CA8: variants seen among roughly 807,000 people sequenced by gnomAD.
The protein encoded by CA8 is carbonic anhydrase-related protein.
CA8 carries 22 observed loss-of-function variants against 41.4 expected under a neutral mutation model. The ratio of observed to expected loss-of-function variants is 0.53; its 90% CI spans 0.38 to 0.76. The LOEUF (loss-of-function observed/expected upper bound fraction) is 0.76, where lower values mean the gene tolerates loss of function less well. CA8 is among the 30% of genes least tolerant of loss of function. CA8 has a pLI of 0.00. For missense variants in CA8, 270 were observed against 352.8 expected, an observed-to-expected ratio of 0.77 and a Z score of 1.88; for synonymous variants, 121 against 130.6, an observed-to-expected ratio of 0.93 and a Z score of 0.50.
chr8:60,200,831 C>G (rs945938432), intron 8 of CA8, among the ~76,000 whole-genome samples: 1 of 152,182 alleles, frequency 6.6e-6, no homozygotes, highest in Non-Finnish European at 1.5e-5. Context: ...TACAAATCAA[C>G]CAGAGCTGGC....
At chr8:60,207,671 C>T (rs1243472050) in intron 8 of CA8, among the ~76,000 whole-genome samples, 1 of 152,222 alleles carries the variant, frequency 6.6e-6, no homozygotes, top group Admixed American at 6.5e-5. Context: ...ACATCAACTT[C>T]TCTCCACCTC....
intron 2 of CA8, 92 bp downstream of exon 2, chr8:60,279,597 T>C (rs1435665604): frequency 2.7e-6 from 3 of 1,106,980 alleles, no homozygotes; most frequent in Non-Finnish European, 4.1e-6. Context: ...ACGTCAGTTG[T>C]ACTTTTTAAA....
At chr8:60,270,198 G>A (rs971663447) in intron 2 of CA8, among the ~76,000 whole-genome samples, 10 of 152,128 alleles carry the variant, frequency 6.6e-5, no homozygotes, top group African/African-American at 2.2e-4. Context: ...AGTATTATTC[G>A]TGCAGTATCT....
intron 1 of CA8, among the ~76,000 whole-genome samples, chr8:60,280,617 C>T (rs1489722956): frequency 6.6e-6 from 1 of 152,236 alleles, no homozygotes; most frequent in African/African-American, 2.4e-5. Context: ...ACGAAAAGAC[C>T]AGAGGCAGAA....
At chr8:60,280,720 C>T (rs1435460953) in intron 1 of CA8, among the ~76,000 whole-genome samples, 1 of 152,268 alleles carries the variant, frequency 6.6e-6, no homozygotes, top group Non-Finnish European at 1.5e-5. Flanking sequence ...CGCTGCTCTT[C>T]TTGACTACTC....
At chr8:60,214,838 G>A (rs534639006) in intron 7 of CA8, among the ~76,000 whole-genome samples, 10 of 152,278 alleles carry the variant, frequency 6.6e-5, no homozygotes, top group African/African-American at 2.2e-4. Context: ...TCTAGAAGAC[G>A]TATCATGTAT....
intron 7 of CA8, among the ~76,000 whole-genome samples, chr8:60,217,491 T>C (rs572850011): frequency 6.6e-6 from 1 of 152,322 alleles, no homozygotes; most frequent in East Asian, 1.9e-4. Flanking sequence ...ACTCTTACAG[T>C]GCACATCCCT....
At chr8:60,207,930 A>G (rs1806692777) in intron 8 of CA8, 1 of 152,076 alleles carries the variant, frequency 6.6e-6, no homozygotes, top group Non-Finnish European at 1.5e-5. Context: ...TAATTTTTAA[A>G]TTGTTTATAG....
At chr8:60,270,686 G>C (rs1352819804) in intron 2 of CA8, among the ~76,000 whole-genome samples, 1 of 152,172 alleles carries the variant, frequency 6.6e-6, no homozygotes, top group Non-Finnish European at 1.5e-5. Context: ...AAAGTGCGTA[G>C]ATTACAGGCA....
chr8:60,235,671 A>C (rs1329600930), intron 3 of CA8, among the ~76,000 whole-genome samples: 4 of 152,236 alleles, frequency 2.6e-5, no homozygotes, highest in African/African-American at 9.6e-5. Context: ...CAGGAAAATT[A>C]TAAGTGCTTT....
rs73261578 is a variant in CA8 at position 60,185,524 on chromosome 8, A to C, written c.*4497T>G. Among the ~76,000 whole-genome samples the C allele has an allele frequency of 0.095, 14,510 of 152,162 alleles. 1,533 individuals carry two copies. Among genetic ancestry groups the C allele is most frequent in the African/African-American group, 0.26 (10,762 of 41,486 alleles). ...AATAAATACAGACTCACACCCAGAT[A>C]CATCATAGTACGAAATCTGGGGCAG... On this transcript the variant is annotated 3_prime_UTR_variant, in exon 9 of 9. Coordinates refer to ENST00000317995, the MANE Select transcript of CA8 (RefSeq NM_004056.6).
chr8:60,254,871 T>C (rs1808571110), intron 3 of CA8, among the ~76,000 whole-genome samples: 1 of 152,212 alleles, frequency 6.6e-6, no homozygotes, highest in African/African-American at 2.4e-5. Flanking sequence ...AGTAGAAAAC[T>C]ATGTTACTCT....
chr8:60,205,368 C>G (rs1416599813), intron 8 of CA8, among the ~76,000 whole-genome samples: 2 of 152,162 alleles, frequency 1.3e-5, no homozygotes, highest in East Asian at 3.8e-4. Context: ...TGGGCTAACA[C>G]TTTATGAAGT....
chr8:60,185,497 A>C lies in CA8; in HGVS notation c.*4524T>G, dbSNP rs1288533822. 6.6e-6 allele frequency among the ~76,000 whole-genome samples: 1 copy of C among 152,154 alleles called. No homozygotes were observed. The highest frequency in any genetic ancestry group is 1.5e-5 in the Non-Finnish European group (1 of 68,038). On this transcript the variant is annotated 3_prime_UTR_variant, in exon 9 of 9. Transcript: ENST00000317995. Reference sequence around the variant, plus strand: ...CCAAGAAGCTCAACAAATTCCAAGCAGAATAAATACAGACTCACACCCAGA... The same window carrying C: ...CCAAGAAGCTCAACAAATTCCAAGCCGAATAAATACAGACTCACACCCAGA...
At chr8:60,191,459 C>A (rs1806126111) in intron 8 of CA8, among the ~76,000 whole-genome samples, 5 of 151,980 alleles carry the variant, frequency 3.3e-5, no homozygotes, top group African/African-American at 1.2e-4. Flanking sequence ...AAAACAACAA[C>A]CTGGTTGAAA....
intron 3 of CA8, among the ~76,000 whole-genome samples, chr8:60,238,272 T>C (rs1478895385): frequency 6.6e-6 from 1 of 152,152 alleles, no homozygotes; most frequent in African/African-American, 2.4e-5. Context: ...GGTTTATTAC[T>C]AACATAAATA....
Position 60,205,860 on chromosome 8 carries a change from C to T in CA8, c.*35+2890G>A, listed in dbSNP as rs1426319874. ...ATTTTAAACATTTTTTAGAGAACAA[C>T]TACCAGAGAAATGTCTTTTCCTTTT... On this transcript the variant is annotated intron_variant, in intron 8 of 8. Coordinates refer to ENST00000317995, the MANE Select transcript of CA8 (RefSeq NM_004056.6). 3.3e-5 allele frequency among the ~76,000 whole-genome samples: 5 copies of T among 152,252 alleles called. No individual in the cohort carries two copies. In the East Asian group the frequency reaches 9.6e-4, roughly 29 times the overall value.
At chr8:60,218,642 G>C (rs771580352) in intron 7 of CA8, among the ~76,000 whole-genome samples, 1 of 152,174 alleles carries the variant, frequency 6.6e-6, no homozygotes, top group African/African-American at 2.4e-5. Flanking sequence ...ATGCATTCGA[G>C]TATCATAAAA....
intron 2 of CA8, among the ~76,000 whole-genome samples, chr8:60,269,586 T>A (rs1804004199): frequency 1.3e-5 from 2 of 152,354 alleles, no homozygotes; most frequent in South Asian, 4.1e-4. Flanking sequence ...AAAGACATGA[T>A]GTATATACAT....
Sources: allele counts gnomAD v4.1 joint callset (sites outside exome capture counted in the v4.1 genomes callset), GRCh38; gene constraint gnomAD v4.1.1; transcripts MANE v1.5; gene names NCBI Gene and HGNC (gene_info 2026-07-23, HGNC 2026-07-21).